ERBB4: variants seen among roughly 807,000 people sequenced by gnomAD.
ERBB4 encodes the protein erb-b2 receptor tyrosine kinase 4.
ERBB4 carries 42 observed loss-of-function variants against 158.0 expected under a neutral mutation model. The observed-to-expected ratio is 0.27, with a 90% CI of 0.21 to 0.34. ERBB4 has a LOEUF of 0.34. Among genes scored for constraint, ERBB4 ranks in the 10% least tolerant of loss-of-function variants. The probability of loss-of-function intolerance (pLI) is 1.00; values close to 1 mark genes in which losing one functional copy is unlikely to be tolerated. For missense variants in ERBB4, 1,333 were observed against 1,624.1 expected (o/e 0.82, Z 3.08); for synonymous variants, 583 against 558.7 (o/e 1.04, Z -0.61).
At position 212,296,149 on chromosome 2, in the gene ERBB4, A is replaced by C. The variant is rs1036577539; in HGVS notation, c.83-171246T>G. 2.0e-5 allele frequency among the ~76,000 whole-genome samples: 3 copies of C among 151,950 alleles called. No homozygotes were observed. In the South Asian group the frequency reaches 6.2e-4, roughly 31 times the overall value. Reference sequence around the variant, plus strand: ...CAGCACTATATTAGGTACTTTATAAATTTAATCTATAATGATGTATTAGCA... The same window carrying C: ...CAGCACTATATTAGGTACTTTATAACTTTAATCTATAATGATGTATTAGCA... On this transcript the variant is annotated intron_variant, in intron 1 of 27. Coordinates refer to ENST00000342788, the MANE Select transcript of ERBB4 (RefSeq NM_005235.3).
chr2:212,334,799 G>C (rs906854146), intron 1 of ERBB4, among the ~76,000 whole-genome samples: 2 of 151,912 alleles, frequency 1.3e-5, no homozygotes, highest in Non-Finnish European at 2.9e-5. Context: ...TCCAGATACA[G>C]TAATTTAAAT....
At chr2:212,291,793 C>T (rs1169181694) in intron 1 of ERBB4, among the ~76,000 whole-genome samples, 1 of 151,942 alleles carries the variant, frequency 6.6e-6, no homozygotes, top group Non-Finnish European at 1.5e-5. Context: ...GACTATATAG[C>T]AAATTCCTGA....
chr2:211,679,056 C>G lies in ERBB4; in HGVS notation c.1618G>C (p.Asp540His). Residue 540 changes from aspartate to histidine, a missense_variant, in exon 13 of 28, where the codon GAT becomes CAT. By Grantham distance (81) the Asp-to-His change is moderately conservative. This residue lies in a region of ERBB4 where 245 missense variants were observed against 247.5 expected (regional missense o/e 0.99). Transcript: ENST00000342788. ...RICIESCNLY[D>H]GEFREFENGS... ...CAACCCTAGAAGAAGCCTTACCCAT[C>G]ATAGAGGTTACAAGACTCTATGCAG... The G allele has an allele frequency of 6.3e-7, 1 of 1,593,626 alleles. No individual in the cohort carries two copies. Among genetic ancestry groups the G allele is most frequent in the East Asian group, 2.3e-5 (1 of 43,052 alleles).
At chr2:211,833,121 T>C (rs2077261370) in intron 3 of ERBB4, among the ~76,000 whole-genome samples, 1 of 152,114 alleles carries the variant, frequency 6.6e-6, no homozygotes, top group African/African-American at 2.4e-5. Flanking sequence ...ATACCCAGCA[T>C]ATTCTAGAAT....
chr2:211,937,039 T>G (rs559860389), intron 3 of ERBB4, among the ~76,000 whole-genome samples: 8 of 152,206 alleles, frequency 5.3e-5, no homozygotes, highest in Admixed American at 1.3e-4. Flanking sequence ...TATATTGAAC[T>G]TCTAGCCTAT....
At chr2:212,069,536 T>A (rs2078048280) in intron 2 of ERBB4, among the ~76,000 whole-genome samples, 1 of 152,078 alleles carries the variant, frequency 6.6e-6, no homozygotes, top group South Asian at 2.1e-4. Context: ...TCTGCTTCTA[T>A]TAAATATTGT....
intron 16 of ERBB4, among the ~76,000 whole-genome samples, chr2:211,654,144 T>C (rs78100113): frequency 0.017 from 2,598 of 152,296 alleles, 76 homozygotes; most frequent in African/African-American, 0.06. Context: ...TAAGCATTTG[T>C]TGCAATACTG....
intron 1 of ERBB4, among the ~76,000 whole-genome samples, chr2:212,442,805 T>C (rs966200380): frequency 2.0e-5 from 3 of 151,984 alleles, no homozygotes; most frequent in African/African-American, 4.8e-5. Context: ...CCTAGAAAAA[T>C]CATAAATCAA....
intron 1 of ERBB4, among the ~76,000 whole-genome samples, chr2:212,235,115 C>A (rs894488828): frequency 6.6e-6 from 1 of 152,146 alleles, no homozygotes; most frequent in Non-Finnish European, 1.5e-5. Context: ...TTAGGCCTTA[C>A]ATTTAAGTCG....
intron 1 of ERBB4, among the ~76,000 whole-genome samples, chr2:212,285,945 G>T (rs1007131216): frequency 2.0e-5 from 3 of 152,038 alleles, no homozygotes; most frequent in African/African-American, 4.8e-5. Context: ...TCAATGGCTT[G>T]GCTAGATATT....
At chr2:211,849,151 T>C (rs1273209443) in intron 3 of ERBB4, among the ~76,000 whole-genome samples, 1 of 152,010 alleles carries the variant, frequency 6.6e-6, no homozygotes, top group Non-Finnish European at 1.5e-5. Flanking sequence ...AAGACATATT[T>C]TCCTGATAGA....
chr2:212,139,288 AAC>A (rs149575165), intron 1 of ERBB4, among the ~76,000 whole-genome samples: 33 of 151,662 alleles, frequency 2.2e-4, no homozygotes, highest in Non-Finnish European at 3.1e-4. Flanking sequence ...TATTTAAAAC[AAC>A]ACACACACAC....
intron 20 of ERBB4, among the ~76,000 whole-genome samples, chr2:211,439,824 G>A (rs1367108924): frequency 1.3e-5 from 2 of 152,282 alleles, no homozygotes; most frequent in Middle Eastern, 3.4e-3. Context: ...AGCAAACCCT[G>A]CCACATTTAG....
At chr2:211,629,751 C>A (rs1012049076) in intron 17 of ERBB4, among the ~76,000 whole-genome samples, 1 of 151,894 alleles carries the variant, frequency 6.6e-6, no homozygotes, top group Non-Finnish European at 1.5e-5. Context: ...CGCCTATCTA[C>A]AACTATTTGA....
At chr2:211,998,975 T>C (rs1170230377) in intron 2 of ERBB4, among the ~76,000 whole-genome samples, 1 of 151,860 alleles carries the variant, frequency 6.6e-6, no homozygotes, top group Non-Finnish European at 1.5e-5. Context: ...GTTTAATCAT[T>C]TAACAAAAAA....
At chr2:211,454,841 A>C (rs1162002706) in intron 20 of ERBB4, among the ~76,000 whole-genome samples, 6 of 151,894 alleles carry the variant, frequency 4.0e-5, no homozygotes. Context: ...ACTGTGGCCA[A>C]CTCTCATTTG....
At chr2:211,872,645 A>G (rs1252259092) in intron 3 of ERBB4, among the ~76,000 whole-genome samples, 2 of 152,178 alleles carry the variant, frequency 1.3e-5, no homozygotes, top group African/African-American at 4.8e-5. Context: ...ATGGTATGAT[A>G]ATTGCCCCTT....
intron 19 of ERBB4, among the ~76,000 whole-genome samples, chr2:211,573,486 C>T (rs539767617): frequency 1.3e-5 from 2 of 151,952 alleles, no homozygotes; most frequent in Non-Finnish European, 2.9e-5. Flanking sequence ...CTGGCTAACA[C>T]GGTAAAACCC....
chr2:212,031,133 T>G (rs1379982560), intron 2 of ERBB4, among the ~76,000 whole-genome samples: 1 of 152,144 alleles, frequency 6.6e-6, no homozygotes, highest in Non-Finnish European at 1.5e-5. Context: ...TCTTTGATTT[T>G]AAGGCCCAGC....
Sources: gnomAD v4.1 joint callset for allele counts (sites outside exome capture counted in the v4.1 genomes callset) on GRCh38, gnomAD v4.1.1 for gene constraint, gnomAD v4.1.1 regional missense constraint, MANE v1.5 for transcripts, NCBI Gene and HGNC (gene_info 2026-07-23, HGNC 2026-07-21) for gene names.